ARHGAP29: variants seen among roughly 807,000 people sequenced by gnomAD.
ARHGAP29 encodes the protein rho GTPase-activating protein 29.
In ARHGAP29, 43 loss-of-function variants were observed where a neutral mutation model predicts 122.6. That is an observed-to-expected ratio of 0.35 (90% CI 0.27 to 0.45). The LOEUF (loss-of-function observed/expected upper bound fraction) is 0.45, where lower values mean the gene tolerates loss of function less well. Ranked by LOEUF, ARHGAP29 falls within the 20% of genes least tolerant of loss-of-function variation. The probability of loss-of-function intolerance (pLI) is 1.00; values close to 1 mark genes in which losing one functional copy is unlikely to be tolerated. For synonymous variants in ARHGAP29, 506 were observed against 497.1 expected, an observed-to-expected ratio of 1.02 and a Z score of -0.24; for missense variants, 1,303 against 1,477.2, an observed-to-expected ratio of 0.88 and a Z score of 1.93.
intron 1 of ARHGAP29, among the ~76,000 whole-genome samples, chr1:94,232,139 G>A (rs1652955108): frequency 6.6e-6 from 1 of 152,014 alleles, no homozygotes. Context: ...TATGGGCTTT[G>A]AAAAAAGAAA....
At chr1:94,180,264 C>A (rs1419797394) in intron 19 of ARHGAP29, among the ~76,000 whole-genome samples, 2 of 152,112 alleles carry the variant, frequency 1.3e-5, no homozygotes, top group African/African-American at 2.4e-5. Context: ...TCACGACTCC[C>A]CCAAAGTTAG....
In ARHGAP29 at chr1:94,172,909, T is replaced by C. The variant is rs763367318; in HGVS notation, c.*960A>G. On this transcript the variant is annotated 3_prime_UTR_variant, in exon 23 of 23. Coordinates refer to ENST00000260526, the MANE Select transcript of ARHGAP29 (RefSeq NM_004815.4). The stretch of plus-strand genomic sequence containing the variant: ...ATTTTAGCTTGATTTGGATGAAATA[T>C]GTACTTTCAGTTGTTGACAATCCAG... The C allele has an allele frequency of 2.0e-5, 3 of 152,660 alleles. No homozygotes were observed. Among genetic ancestry groups the C allele is most frequent in the Admixed American group, 6.5e-5 (1 of 15,294 alleles). The allele number at this position is 152,660 out of a possible 1,614,324, so 9.5% of individuals were successfully genotyped here. A position where few individuals can be genotyped will look rare whatever the true frequency, so the allele number is the denominator to read the frequency against.
At chr1:94,235,188 TA>T (rs368957343) in intron 1 of ARHGAP29, among the ~76,000 whole-genome samples, 6 of 151,854 alleles carry the variant, frequency 4.0e-5, no homozygotes, top group African/African-American at 1.5e-4. Flanking sequence ...TATTCCAGAG[TA>T]AAAAAAGGAA....
the ARHGAP29 span, among the ~76,000 whole-genome samples, chr1:94,313,151 G>C: frequency 6.6e-6 from 1 of 152,056 alleles, no homozygotes; most frequent in African/African-American, 2.4e-5. Context: ...CACTCTTCTA[G>C]TTGCTTTGGA....
chr1:94,186,408 T>A, intron 16 of ARHGAP29, 91 bp downstream of exon 16: 2 of 910,264 alleles, frequency 2.2e-6, no homozygotes, highest in Non-Finnish European at 3.3e-6. Flanking sequence ...AAAAAAGTAT[T>A]GATTCTTTAA....
chr1:94,178,266 G>C (rs991337599), intron 20 of ARHGAP29, 99 bp from the exon 21 acceptor site: 2 of 1,156,526 alleles, frequency 1.7e-6, no homozygotes, highest in African/African-American at 3.1e-5. Flanking sequence ...AAAATGAGCT[G>C]CACAAAAATA....
the ARHGAP29 span, among the ~76,000 whole-genome samples, chr1:94,308,493 A>G: frequency 6.6e-6 from 1 of 152,224 alleles, no homozygotes; most frequent in Non-Finnish European, 1.5e-5. Context: ...CTAGAAAAAT[A>G]GGTTAAAAAC....
chr1:94,251,547 T>C (rs1432666914), intron 1 of ARHGAP29, among the ~76,000 whole-genome samples: 2 of 152,202 alleles, frequency 1.3e-5, no homozygotes, highest in Non-Finnish European at 2.9e-5. Flanking sequence ...AGTTTGACCA[T>C]ACTTCTCTTA....
intron 2 of ARHGAP29, among the ~76,000 whole-genome samples, chr1:94,227,239 C>G (rs1001100700): frequency 2.0e-5 from 3 of 151,702 alleles, no homozygotes; most frequent in African/African-American, 7.3e-5. Context: ...AACAATTCAT[C>G]AGAAGCTATC....
In ARHGAP29 at chr1:94,176,996, A is replaced by T. The variant is rs1299145130; in HGVS notation, c.2905+616T>A. 17 of 151,734 alleles carry T rather than the reference A, an allele frequency of 1.1e-4. 1 individual carries two copies. Among genetic ancestry groups the T allele is most frequent in the Admixed American group, 1.1e-3 (17 of 15,240 alleles). The allele number at this position is 151,734 out of a possible 1,614,324, so 9.4% of individuals were successfully genotyped here. ...GCTGCAATGTAAAAAACTGGAATTTAGCTATAACAATGTAGAAATGACAAT... is the reference window on the plus strand; with the variant it reads ...GCTGCAATGTAAAAAACTGGAATTTTGCTATAACAATGTAGAAATGACAAT... On this transcript the variant is annotated intron_variant, in intron 22 of 22. Coordinates refer to ENST00000260526, the MANE Select transcript of ARHGAP29 (RefSeq NM_004815.4).
At chr1:94,276,754 C>G (rs1335015779), upstream of ARHGAP29, among the ~76,000 whole-genome samples, 1 of 130,890 alleles carries the variant, frequency 7.6e-6, no homozygotes, top group Admixed American at 9.0e-5. Context: ...GCACTCCAGC[C>G]TGGGTGACAG....
At chr1:94,226,862 GAC>G (rs1652642695) in intron 2 of ARHGAP29, among the ~76,000 whole-genome samples, 1 of 151,928 alleles carries the variant, frequency 6.6e-6, no homozygotes, top group South Asian at 2.1e-4. Flanking sequence ...TCTAGGATAA[GAC>G]AGAGCAGTAC....
intron 5 of ARHGAP29, among the ~76,000 whole-genome samples, chr1:94,208,536 T>A (rs542463727): frequency 1.1e-4 from 17 of 151,356 alleles, no homozygotes; most frequent in African/African-American, 4.1e-4. Flanking sequence ...CTCGGCTCAC[T>A]GCAACCTCCG....
intron 1 of ARHGAP29, among the ~76,000 whole-genome samples, chr1:94,269,300 C>T (rs1323286677): frequency 6.6e-6 from 1 of 152,160 alleles, no homozygotes; most frequent in African/African-American, 2.4e-5. Flanking sequence ...GACAAAGTTC[C>T]TTCCTTTAAA....
intron 1 of ARHGAP29, 54 bp downstream of exon 1, chr1:94,237,361 A>G (rs943998988): frequency 2.0e-6 from 2 of 978,814 alleles, no homozygotes; most frequent in South Asian, 4.7e-5. Context: ...GGGCAACCCC[A>G]GCCCGGAGCC....
intron 1 of ARHGAP29, among the ~76,000 whole-genome samples, chr1:94,234,508 T>G (rs987825219): frequency 2.6e-5 from 4 of 152,198 alleles, no homozygotes; most frequent in African/African-American, 9.6e-5. Flanking sequence ...GGGACCACAC[T>G]TTATAATTTT....
chr1:94,169,821 T>C lies in ARHGAP29; in HGVS notation c.*4048A>G, dbSNP rs1368227980. On this transcript the variant is annotated 3_prime_UTR_variant, in exon 23 of 23. Coordinates refer to ENST00000260526, the MANE Select transcript of ARHGAP29 (RefSeq NM_004815.4). ...AAAAAAATAAGAGGGGAAAAAGCAA[T>C]GAGGCATCTCTAAGGAACACAGAAG... 1.3e-5 allele frequency among the ~76,000 whole-genome samples: 2 copies of C among 152,050 alleles called. No individual in the cohort carries two copies. Among genetic ancestry groups the C allele is most frequent in the African/African-American group, 4.8e-5 (2 of 41,404 alleles).
At chr1:94,222,889 C>T (rs911440046) in intron 2 of ARHGAP29, among the ~76,000 whole-genome samples, 2 of 151,544 alleles carry the variant, frequency 1.3e-5, no homozygotes, top group African/African-American at 2.4e-5. Context: ...AAATGAAATA[C>T]AAGTAGGTAA....
chr1:94,214,897 C>T (rs1354680409), intron 3 of ARHGAP29, among the ~76,000 whole-genome samples: 2 of 152,088 alleles, frequency 1.3e-5, no homozygotes, highest in Non-Finnish European at 2.9e-5. Context: ...GTATTCTATA[C>T]ACACATAATC....
Sources: gnomAD v4.1 joint callset for allele counts (sites outside exome capture counted in the v4.1 genomes callset) on GRCh38, gnomAD v4.1.1 for gene constraint, MANE v1.5 for transcripts, NCBI Gene and HGNC (gene_info 2026-07-23, HGNC 2026-07-21) for gene names.